CMIP: variants seen among roughly 807,000 people sequenced by gnomAD.
CMIP encodes c-Maf inducing protein.
In CMIP, 13 loss-of-function variants were observed where a neutral mutation model predicts 97.3. That is an observed-to-expected ratio of 0.13 (90% CI 0.09 to 0.21). The LOEUF (loss-of-function observed/expected upper bound fraction) is 0.21. Ranked by LOEUF, CMIP falls within the 10% of genes least tolerant of loss-of-function variation. The probability of loss-of-function intolerance (pLI) is 1.00; values close to 1 mark genes in which losing one functional copy is unlikely to be tolerated. For synonymous variants in CMIP, 538 were observed against 436.3 expected, an observed-to-expected ratio of 1.23 and a Z score of -2.91; for missense variants, 847 against 1,024.9, an observed-to-expected ratio of 0.83 and a Z score of 2.37.
At position 81,607,533 on chromosome 16, in the gene CMIP, A is replaced by G. The variant is rs759893570; in HGVS notation, c.301-34A>G. ...GACGTCATGCCTGCTACTGTAACCA[A>G]TGCATATCTCTTCTTTTTCTTTTTT... On this transcript the variant is annotated intron_variant, in intron 1 of 20. Transcript: ENST00000537098. 5 of 1,610,646 alleles carry G rather than the reference A, an allele frequency of 3.1e-6. No homozygotes were observed. In the South Asian group the frequency reaches 3.3e-5, roughly 11 times the overall value.
intron 1 of CMIP, among the ~76,000 whole-genome samples, chr16:81,526,132 T>G (rs2150815204): frequency 6.6e-6 from 1 of 152,266 alleles, no homozygotes; most frequent in East Asian, 1.9e-4. Context: ...GCATCCCTGC[T>G]TTCAGTTTGT....
chr16:81,530,835 G>C (rs531969564), intron 1 of CMIP, among the ~76,000 whole-genome samples: 1 of 152,262 alleles, frequency 6.6e-6, no homozygotes, highest in African/African-American at 2.4e-5. Context: ...TCTTCGATCA[G>C]TTCAGCTTCT....
chr16:81,706,108 G>A (rs1485738642), intron 19 of CMIP, among the ~76,000 whole-genome samples: 2 of 152,256 alleles, frequency 1.3e-5, no homozygotes, highest in Non-Finnish European at 2.9e-5. Flanking sequence ...AATTCTCAAG[G>A]AACCTAGAAA....
At chr16:81,545,838 C>G (rs950174258) in intron 1 of CMIP, among the ~76,000 whole-genome samples, 2 of 152,166 alleles carry the variant, frequency 1.3e-5, no homozygotes, top group African/African-American at 4.8e-5. Flanking sequence ...ACACACAGTA[C>G]AAGTCTGGGT....
At chr16:81,569,577 G>C (rs1328146512) in intron 1 of CMIP, among the ~76,000 whole-genome samples, 1 of 152,248 alleles carries the variant, frequency 6.6e-6, no homozygotes, top group African/African-American at 2.4e-5. Context: ...AAGCGGGCCA[G>C]AGAGAGGCGG....
At chr16:81,558,844 T>C (rs1040391555) in intron 1 of CMIP, among the ~76,000 whole-genome samples, 2 of 152,180 alleles carry the variant, frequency 1.3e-5, no homozygotes, top group African/African-American at 4.8e-5. Flanking sequence ...CCACTGTTCC[T>C]CCCGCCTGCA....
Position 81,616,103 on chromosome 16 carries a change from G to T in CMIP, c.427-4773G>T, listed in dbSNP as rs966919190. On this transcript the variant is annotated intron_variant, in intron 2 of 20. Coordinates refer to ENST00000537098, the MANE Select transcript of CMIP (RefSeq NM_198390.3). The surrounding 1 kb of genome is among the most constrained non-coding windows in gnomAD (Gnocchi z 4.7). ...GAGTTCCGCATCGAGACTGTCCTCA[G>T]CCCGGCATCTCTGTGCCTTGCCTTA... Among the ~76,000 whole-genome samples, 2 of 151,966 alleles carry T rather than the reference G, an allele frequency of 1.3e-5. No homozygotes were observed. The highest frequency in any genetic ancestry group is 4.8e-5 in the African/African-American group (2 of 41,328).
At chr16:81,571,218 C>T (rs1466866599) in intron 1 of CMIP, among the ~76,000 whole-genome samples, 1 of 152,044 alleles carries the variant, frequency 6.6e-6, no homozygotes, top group East Asian at 1.9e-4. Flanking sequence ...TGCCTACAAT[C>T]CCAGCATTTG....
chr16:81,556,977 G>A (rs566532448), intron 1 of CMIP, among the ~76,000 whole-genome samples: 5 of 152,164 alleles, frequency 3.3e-5, no homozygotes, highest in Non-Finnish European at 7.3e-5. Flanking sequence ...ATCCAGGGAC[G>A]GGAAAAGGAC....
At chr16:81,626,834 A>G (rs2092077392) in intron 3 of CMIP, among the ~76,000 whole-genome samples, 1 of 106,266 alleles carries the variant, frequency 9.4e-6, no homozygotes, top group Non-Finnish European at 1.9e-5. Flanking sequence ...ATATGGGGTG[A>G]CTATTTTATG....
chr16:81,513,172 C>T (rs1460774636), intron 1 of CMIP, among the ~76,000 whole-genome samples: 3 of 152,240 alleles, frequency 2.0e-5, no homozygotes, highest in Non-Finnish European at 2.9e-5. Flanking sequence ...CTTTCCTCTT[C>T]TTGGTAGGTT....
At chr16:81,704,683 C>T (rs757482157) in intron 18 of CMIP, among the ~76,000 whole-genome samples, 2 of 69,552 alleles carry the variant, frequency 2.9e-5, no homozygotes, top group African/African-American at 1.1e-4. Context: ...ACCCCTTCAT[C>T]CTCCTCCCTG....
At chr16:81,463,300 A>G (rs865875041) in intron 1 of CMIP, among the ~76,000 whole-genome samples, 83 of 152,124 alleles carry the variant, frequency 5.5e-4, no homozygotes, top group African/African-American at 1.9e-3. Flanking sequence ...GCAAAACGTC[A>G]CTTAAATGAC....
intron 1 of CMIP, among the ~76,000 whole-genome samples, chr16:81,554,529 A>G (rs1015242537): frequency 1.3e-5 from 2 of 152,206 alleles, no homozygotes; most frequent in Non-Finnish European, 2.9e-5. Context: ...GGCCACTACC[A>G]GGTGCTTGAG....
chr16:81,455,401 A>T (rs11861514), intron 1 of CMIP, among the ~76,000 whole-genome samples: 46,956 of 152,192 alleles, frequency 0.31, 7,674 homozygotes, highest in East Asian at 0.39. Flanking sequence ...CATAGTTTGG[A>T]TGAATGAACA....
chr16:81,537,546 C>CAAAAAAAAAAAAAAAA (rs397695977), intron 1 of CMIP, among the ~76,000 whole-genome samples: 3 of 82,064 alleles, frequency 3.7e-5, no homozygotes, highest in Non-Finnish European at 4.6e-5. Context: ...AAAAAAAAGA[C>CAAAAAAAAAAAAAAAA]AAAAAAAAAA....
chr16:81,544,445 C>T (rs373192023), intron 1 of CMIP, among the ~76,000 whole-genome samples: 5 of 115,732 alleles, frequency 4.3e-5, no homozygotes, highest in South Asian at 2.7e-4. Flanking sequence ...TGTGTGTGTG[C>T]GCGCACACAG....
At chr16:81,584,647 G>A (rs2091350859) in intron 1 of CMIP, among the ~76,000 whole-genome samples, 1 of 152,124 alleles carries the variant, frequency 6.6e-6, no homozygotes. Flanking sequence ...CATCCAACTA[G>A]GAAGACTGAA....
intron 1 of CMIP, among the ~76,000 whole-genome samples, chr16:81,522,890 A>G (rs2150809407): frequency 6.6e-6 from 1 of 152,246 alleles, no homozygotes; most frequent in Admixed American, 6.5e-5. Flanking sequence ...ACACACACAC[A>G]TAATCATAAA....
Sources: gnomAD v4.1 joint callset for allele counts (sites outside exome capture counted in the v4.1 genomes callset) on GRCh38, gnomAD v4.1.1 for gene constraint, Gnocchi (gnomAD v3.1) non-coding constraint, MANE v1.5 for transcripts, NCBI Gene and HGNC (gene_info 2026-07-23, HGNC 2026-07-21) for gene names.